The following RSAD2 variants were observed in gnomAD, a reference collection of about 807,000 sequenced individuals.
The protein encoded by RSAD2 is radical S-adenosyl methionine domain containing 2.
In RSAD2, 38 loss-of-function variants were observed where a neutral mutation model predicts 37.7. The observed-to-expected ratio is 1.01, with a 90% confidence interval of 0.78 to 1.32. The LOEUF is 1.32. Among genes scored for constraint, RSAD2 ranks in the 40% most tolerant of loss-of-function variants. The pLI is 0.00. For missense variants in RSAD2, 428 were observed against 437.5 expected (o/e 0.98, Z 0.19); for synonymous variants, 163 against 157.4 (o/e 1.04, Z -0.27).
intron 1 of RSAD2, chr2:6,866,061 T>A: frequency 3.5e-6 from 1 of 288,850 alleles, no homozygotes; most frequent in Non-Finnish European, 6.4e-6. Context: ...TCCGTGTGCG[T>A]TCTGCGGGTG....
chr2:6,896,883 G>T lies in RSAD2; in HGVS notation c.*941G>T, dbSNP rs1235057935. The stretch of plus-strand genomic sequence containing the variant: ...GGCCACATGAGGCTGTCAAGCAAAA[G>T]AATAGGAGTGTAGTTGAGTAGCTGG... On this transcript the variant is annotated 3_prime_UTR_variant, in exon 6 of 6. Transcript: ENST00000382040. 1 of 152,182 alleles carries T rather than the reference G, an allele frequency of 6.6e-6. No homozygotes were observed. The highest frequency in any genetic ancestry group is 6.6e-5 in the Admixed American group (1 of 15,258). 9.4% of individuals were successfully genotyped at this position (152,182 alleles called of 1,614,324 possible). A position where few individuals can be genotyped will look rare whatever the true frequency, so the allele number is the denominator to read the frequency against.
Position 6,883,501 on chromosome 2 carries a change from C to A in RSAD2, c.477C>A (p.Ser159Arg). ...GCGTGAGCATCGTGAGCAATGGAAG[C>A]CTGATCCGGGAGAGGTGGTTCCAGA... ...LPSVSIVSNG[S>R]LIRERWFQNY... is the part of the protein sequence containing the mutation. The change falls in exon 2 of 6, where the codon AGC (serine) becomes AGA (arginine). Residue 159 changes from serine to arginine, a missense_variant. Coordinates refer to ENST00000382040, the MANE Select transcript of RSAD2 (RefSeq NM_080657.5). 6.2e-7 allele frequency: 1 copy of A among 1,614,104 alleles called. No individual in the cohort carries two copies. The highest frequency in any genetic ancestry group is 8.5e-7 in the Non-Finnish European group (1 of 1,180,022).
chr2:6,889,330 TG>T (rs989653514), intron 3 of RSAD2, among the ~76,000 whole-genome samples: 19 of 152,024 alleles, frequency 1.2e-4, no homozygotes, highest in African/African-American at 4.6e-4. Flanking sequence ...AATTATCCTA[TG>T]ACCAGGGGCC....
intron 3 of RSAD2, 102 bp from the exon 4 acceptor site, chr2:6,890,072 GTC>G: frequency 9.4e-7 from 1 of 1,068,234 alleles, no homozygotes; most frequent in South Asian, 1.7e-5. Flanking sequence ...AGCTCGTAGA[GTC>G]TCTTTGCTCA....
intron 1 of RSAD2, chr2:6,866,618 C>G (rs1031326294): frequency 1.5e-5 from 3 of 204,550 alleles, no homozygotes; most frequent in Non-Finnish European, 2.6e-5. Context: ...CTGTTGCTGC[C>G]TAACAGTGTA....
intron 1 of RSAD2, among the ~76,000 whole-genome samples, chr2:6,867,220 C>T (rs925788516): frequency 4.6e-5 from 7 of 152,220 alleles, no homozygotes; most frequent in African/African-American, 1.4e-4. Context: ...ACTGGGCCGC[C>T]TAAACAATAG....
chr2:6,888,854 T>C (rs1489354224), intron 3 of RSAD2, among the ~76,000 whole-genome samples: 1 of 152,222 alleles, frequency 6.6e-6, no homozygotes, highest in African/African-American at 2.4e-5. Flanking sequence ...CCTAGTTTCC[T>C]GAGGCTGCCT....
intron 5 of RSAD2, among the ~76,000 whole-genome samples, chr2:6,893,934 T>C (rs1185225342): frequency 6.6e-6 from 1 of 152,154 alleles, no homozygotes; most frequent in Non-Finnish European, 1.5e-5. Context: ...CCAGCACTGA[T>C]TTGCACTGAG....
chr2:6,887,802 T>C (rs1160760300), intron 3 of RSAD2, among the ~76,000 whole-genome samples: 4 of 152,234 alleles, frequency 2.6e-5, no homozygotes, highest in Admixed American at 6.5e-5. Flanking sequence ...TCTGCTGCCC[T>C]GAAACAGGGC....
chr2:6,883,075 A>G (rs1663446731), intron 1 of RSAD2, among the ~76,000 whole-genome samples: 1 of 152,230 alleles, frequency 6.6e-6, no homozygotes, highest in Non-Finnish European at 1.5e-5. Flanking sequence ...GTCACGCCAC[A>G]TGGCAGGCAT....
At chr2:6,886,685 C>G in intron 2 of RSAD2, among the ~76,000 whole-genome samples, 1 of 152,168 alleles carries the variant, frequency 6.6e-6, no homozygotes, top group East Asian at 1.9e-4. Flanking sequence ...AGTAAGTGCT[C>G]ACACACATAC....
Position 6,887,004 on chromosome 2 carries a change from G to T in RSAD2, c.578G>T (p.Arg193Leu). The T allele has an allele frequency of 1.2e-6, 2 of 1,614,134 alleles. No individual in the cohort carries two copies. The highest frequency in any genetic ancestry group is 8.5e-7 in the Non-Finnish European group (1 of 1,179,986). The change falls in exon 3 of 6, where the codon CGT (arginine) becomes CTT (leucine). Residue 193 changes from arginine (R) to leucine (L), a missense_variant. Arg to Leu is a moderately radical substitution (Grantham distance 102). Transcript: ENST00000382040. Reference sequence around the variant, plus strand: ...GAGGAAGTCAATGTCCTTATTGGCCGTGGCCAAGGAAAGAAGAACCATGTG... The same window carrying T: ...GAGGAAGTCAATGTCCTTATTGGCCTTGGCCAAGGAAAGAAGAACCATGTG... The part of the protein sequence containing the change: ...FDEEVNVLIG[R>L]GQGKKNHVEN...
At chr2:6,886,829 T>C in intron 2 of RSAD2, 106 bp from the exon 3 acceptor site, 1 of 788,590 alleles carries the variant, frequency 1.3e-6, no homozygotes, top group Non-Finnish European at 2.0e-6. Flanking sequence ...AGGAAAAGTG[T>C]CTTTTTAAAA....
intron 4 of RSAD2, among the ~76,000 whole-genome samples, chr2:6,893,370 A>G (rs989866638): frequency 6.6e-6 from 1 of 152,226 alleles, no homozygotes; most frequent in African/African-American, 2.4e-5. Context: ...GGGCTCTCCC[A>G]AAGTGTGAAG....
At chr2:6,877,669 C>A, upstream of RSAD2, 1 of 675,470 alleles carries the variant, frequency 1.5e-6, no homozygotes, top group Non-Finnish European at 2.5e-6. Flanking sequence ...AACTCTAACT[C>A]AGCTGAGTGT....
At chr2:6,870,755 C>G (rs1663189196) in intron 1 of RSAD2, among the ~76,000 whole-genome samples, 1 of 152,178 alleles carries the variant, frequency 6.6e-6, no homozygotes, top group Admixed American at 6.5e-5. Flanking sequence ...GCTTCTCAGT[C>G]AGTCTATGCC....
At position 6,871,605 on chromosome 2, in the gene RSAD2, A is replaced by T. The variant is rs566571283; in HGVS notation, c.142+5560A>T. On this transcript the variant is annotated intron_variant, in intron 1 of 5. Coordinates refer to the RSAD2 transcript ENST00000442639. The stretch of plus-strand genomic sequence containing the variant: ...ACTTTATTTACAGAAACGCTGGTTG[A>T]ATCTAACTGTCTTCTAAACAAGGGG... Among the ~76,000 whole-genome samples the T allele has an allele frequency of 1.2e-3, 188 of 152,358 alleles. 2 individuals carry two copies. Among genetic ancestry groups the T allele is most frequent in the Middle Eastern group, 3.4e-3 (1 of 294 alleles).
chr2:6,877,108 A>G (rs1363372754), upstream of RSAD2: 3 of 152,370 alleles, frequency 2.0e-5, no homozygotes, highest in South Asian at 4.1e-4. Flanking sequence ...CCAATTAGGA[A>G]GCATCTTAGA....
chr2:6,875,642 C>G (rs2103237578), upstream of RSAD2, among the ~76,000 whole-genome samples: 1 of 152,298 alleles, frequency 6.6e-6, no homozygotes, highest in South Asian at 2.1e-4. Context: ...TTTTATTCTC[C>G]CAGAAAGGAG....
Sources: gnomAD v4.1 joint callset for allele counts (sites outside exome capture counted in the v4.1 genomes callset) on GRCh38, gnomAD v4.1.1 for gene constraint, MANE v1.5 for transcripts, NCBI Gene and HGNC (gene_info 2026-07-23, HGNC 2026-07-21) for gene names.